The following ZDHHC5 variants were observed in gnomAD, a reference collection of about 807,000 sequenced individuals.
ZDHHC5 encodes palmitoyltransferase ZDHHC5.
Under a neutral mutation model 70.0 loss-of-function variants are expected in ZDHHC5, and 22 were observed. That is an observed-to-expected ratio of 0.31 (90% confidence interval 0.22 to 0.45). The LOEUF (loss-of-function observed/expected upper bound fraction) is 0.45, where lower values mean the gene tolerates loss of function less well. Ranked by LOEUF, ZDHHC5 falls within the 20% of genes least tolerant of loss-of-function variation. The pLI is 1.00. For missense variants in ZDHHC5, 746 were observed against 926.9 expected (o/e 0.80, Z 2.53); for synonymous variants, 313 against 347.8 (o/e 0.90, Z 1.11).
chr11:57,696,616 G>T, intron 9 of ZDHHC5, 145 bp from the exon 10 acceptor site: 2 of 673,094 alleles, frequency 3.0e-6, no homozygotes, highest in Non-Finnish European at 5.1e-6. Flanking sequence ...TACTCAGGAG[G>T]CTGAGGTGGG....
At chr11:57,684,062 C>T (rs1020175071) in intron 3 of ZDHHC5, among the ~76,000 whole-genome samples, 9 of 135,950 alleles carry the variant, frequency 6.6e-5, no homozygotes, top group African/African-American at 1.6e-4. Flanking sequence ...GCCTTGACCC[C>T]CCCCTGGCTC....
intron 8 of ZDHHC5, among the ~76,000 whole-genome samples, chr11:57,695,648 C>T (rs767421566): frequency 6.6e-6 from 1 of 151,852 alleles, no homozygotes; most frequent in Non-Finnish European, 1.5e-5. Flanking sequence ...AATAAATTAA[C>T]TGGGTGTGGT....
intron 10 of ZDHHC5, among the ~76,000 whole-genome samples, chr11:57,698,322 C>T (rs1231459326): frequency 6.6e-6 from 1 of 152,136 alleles, no homozygotes; most frequent in African/African-American, 2.4e-5. Flanking sequence ...AGTTTATAAC[C>T]CAGTTCTGCC....
chr11:57,698,464 G>A, intron 10 of ZDHHC5, 95 bp from the exon 11 acceptor site: 1 of 1,470,568 alleles, frequency 6.8e-7, no homozygotes, highest in Non-Finnish European at 9.1e-7. Flanking sequence ...CTTATTATTG[G>A]CACATAATTC....
intron 3 of ZDHHC5, among the ~76,000 whole-genome samples, chr11:57,685,995 C>G (rs1194273947): frequency 6.6e-6 from 1 of 152,158 alleles, no homozygotes. Context: ...CCACTGCACT[C>G]CAGCGACAGT....
chr11:57,671,969 C>G (rs1339699767), intron 1 of ZDHHC5, 52 bp from the exon 2 acceptor site: 1 of 334,750 alleles, frequency 3.0e-6, no homozygotes, highest in Non-Finnish European at 5.4e-6. Context: ...GCCTTGGTGT[C>G]TAAGAAATAC....
chr11:57,677,328 C>A (rs1016264199), intron 2 of ZDHHC5, among the ~76,000 whole-genome samples: 7 of 147,718 alleles, frequency 4.7e-5, no homozygotes, highest in African/African-American at 1.8e-4. Context: ...ACTCTGTTGC[C>A]CAGGCTGGAG....
intron 1 of ZDHHC5, among the ~76,000 whole-genome samples, chr11:57,669,678 C>T (rs892645323): frequency 1.3e-5 from 2 of 152,148 alleles, no homozygotes; most frequent in African/African-American, 2.4e-5. Context: ...AGGCTGGTCT[C>T]GAACTCCTGA....
At chr11:57,679,793 G>C (rs1358469574) in intron 2 of ZDHHC5, among the ~76,000 whole-genome samples, 1 of 152,050 alleles carries the variant, frequency 6.6e-6, no homozygotes, top group African/African-American at 2.4e-5. Context: ...TTGGGATATG[G>C]CAAGAACGGG....
At chr11:57,684,723 G>A (rs1260067876) in intron 3 of ZDHHC5, among the ~76,000 whole-genome samples, 3 of 152,180 alleles carry the variant, frequency 2.0e-5, no homozygotes, top group Non-Finnish European at 4.4e-5. Context: ...TGGACTAAAA[G>A]GTAGAAAGAA....
intron 1 of ZDHHC5, chr11:57,668,443 C>T (rs1404721779): frequency 6.5e-6 from 1 of 153,242 alleles, no homozygotes; most frequent in Non-Finnish European, 1.5e-5. Context: ...ACCGCGGTCC[C>T]CGGTGCCTGG....
In ZDHHC5 at chr11:57,699,409, T is replaced by C; in HGVS notation, c.1973T>C (p.Leu658Pro). 1 of 1,571,626 alleles carries C rather than the reference T, an allele frequency of 6.4e-7. No individual in the cohort carries two copies. Reference protein sequence around the residue: ...ETEEVALQPLLTPKDEVQLKT... With the variant: ...ETEEVALQPLPTPKDEVQLKT... Reference sequence around the variant, plus strand: ...GAAGAAGTGGCCTTGCAGCCATTACTGACACCCAAGTAAGTATTAGTACTA... The same window carrying C: ...GAAGAAGTGGCCTTGCAGCCATTACCGACACCCAAGTAAGTATTAGTACTA... Residue 658 changes from leucine to proline, a missense_variant, in exon 11 of 12, where the codon CTG becomes CCG. Leu to Pro is a moderately conservative substitution (Grantham distance 98, BLOSUM62 -3). Coordinates refer to ENST00000287169, the MANE Select transcript of ZDHHC5 (RefSeq NM_015457.3).
chr11:57,700,127 T>C lies in ZDHHC5; in HGVS notation c.*96T>C. On this transcript the variant is annotated 3_prime_UTR_variant, in exon 12 of 12. Transcript: ENST00000287169. ...CCTCAAGGGGCTCCCCTCCCGTGCA[T>C]GGACATTTTTTAAACCACCGATTCC... 4 of 1,423,330 alleles carry C rather than the reference T, an allele frequency of 2.8e-6. No individual in the cohort carries two copies. The highest frequency in any genetic ancestry group is 3.7e-6 in the Non-Finnish European group (4 of 1,072,480). The allele number at this position is 1,423,330 out of a possible 1,614,324, so 88.2% of individuals were successfully genotyped here.
In ZDHHC5 at chr11:57,690,074, G is replaced by A. The variant is rs1425616264; in HGVS notation, c.428G>A (p.Arg143His). Residue 143 changes from arginine to histidine, a missense_variant, in exon 5 of 12, where the codon CGC (arginine) becomes CAC (histidine). Physicochemically the swap from Arg to His is conservative, Grantham distance 29 (BLOSUM62 0). Around this residue, in one of 6 missense-constraint regions of ZDHHC5, gnomAD observed 18 missense variants for 66.8 expected, o/e 0.27. Transcript: ENST00000287169. Reference sequence around the variant, plus strand: ...CCCTGGGTGAATAACTGTATTGGTCGCCGGAACTACCGTTATTTTTTCCTT... The same window carrying A: ...CCCTGGGTGAATAACTGTATTGGTCACCGGAACTACCGTTATTTTTTCCTT... ...HCPWVNNCIGRRNYRYFFLFL... is the reference protein window; with the variant it reads ...HCPWVNNCIGHRNYRYFFLFL... 8 of 1,613,988 alleles carry A rather than the reference G, an allele frequency of 5.0e-6. No individual in the cohort carries two copies. In the Admixed American group the frequency reaches 5.0e-5, roughly 10 times the overall value.
At chr11:57,693,266 A>G (rs1239618442) in intron 7 of ZDHHC5, among the ~76,000 whole-genome samples, 1 of 152,132 alleles carries the variant, frequency 6.6e-6, no homozygotes, top group Non-Finnish European at 1.5e-5. Flanking sequence ...CAGAGCACAC[A>G]TACAACCTAG....
At chr11:57,684,577 A>G (rs980910651) in intron 3 of ZDHHC5, among the ~76,000 whole-genome samples, 4 of 152,188 alleles carry the variant, frequency 2.6e-5, no homozygotes, top group African/African-American at 9.7e-5. Context: ...AGAGGAGAGA[A>G]GCTGAGGTTG....
At chr11:57,681,478 C>T (rs1206617531) in intron 2 of ZDHHC5, 2 of 152,158 alleles carry the variant, frequency 1.3e-5, no homozygotes, top group Non-Finnish European at 2.9e-5. Flanking sequence ...TGAGCTGAGA[C>T]GAGAGTGTTT....
intron 2 of ZDHHC5, among the ~76,000 whole-genome samples, chr11:57,678,570 CAAAAA>C (rs34342337): frequency 9.9e-6 from 1 of 101,468 alleles, no homozygotes; most frequent in Non-Finnish European, 2.0e-5. Context: ...AACTCTGTCT[CAAAAA>C]AAAAAAAAAA....
chr11:57,697,735 G>A (rs1235291496), intron 10 of ZDHHC5, among the ~76,000 whole-genome samples: 1 of 150,698 alleles, frequency 6.6e-6, no homozygotes, highest in Non-Finnish European at 1.5e-5. Context: ...TTGAACCTGG[G>A]AGGAGAATTG....
Sources: allele counts gnomAD v4.1 joint callset (sites outside exome capture counted in the v4.1 genomes callset), GRCh38; gene constraint gnomAD v4.1.1; regional missense constraint gnomAD v4.1.1; transcripts MANE v1.5; gene names NCBI Gene and HGNC (gene_info 2026-07-23, HGNC 2026-07-21).